Variants in GMPS observed in about 807,000 individuals in gnomAD.
GMPS encodes the protein guanosine monophosphate synthase.
In GMPS, 15 loss-of-function variants were observed where a neutral mutation model predicts 77.9. The observed-to-expected ratio is 0.19, with a 90% CI of 0.13 to 0.30. GMPS has a LOEUF of 0.30. Ranked by LOEUF, GMPS falls within the 10% of genes least tolerant of loss-of-function variation. The pLI is 1.00. For missense variants in GMPS, 590 were observed against 838.8 expected, an observed-to-expected ratio of 0.70 and a Z score of 3.66; for synonymous variants, 224 against 275.9, an observed-to-expected ratio of 0.81 and a Z score of 1.86.
chr3:155,937,300 A>T (rs975655612), intron 15 of GMPS, among the ~76,000 whole-genome samples: 1 of 152,214 alleles, frequency 6.6e-6, no homozygotes, highest in Non-Finnish European at 1.5e-5. Context: ...ATATGTTCTT[A>T]AGCACTTGTG....
At chr3:155,889,981 T>C (rs1033117830) in intron 1 of GMPS, among the ~76,000 whole-genome samples, 1 of 152,192 alleles carries the variant, frequency 6.6e-6, no homozygotes, top group Non-Finnish European at 1.5e-5. Flanking sequence ...TTTTTTCTCA[T>C]TAGGATGGTT....
chr3:155,892,506 T>G (rs1754495555), intron 1 of GMPS, among the ~76,000 whole-genome samples: 1 of 152,230 alleles, frequency 6.6e-6, no homozygotes, highest in Admixed American at 6.5e-5. Context: ...TTGCATTATT[T>G]TGAAGCATCT....
intron 8 of GMPS, 75 bp downstream of exon 8, chr3:155,914,645 A>AT (rs1755127569): frequency 3.2e-6 from 3 of 934,760 alleles, no homozygotes; most frequent in Non-Finnish European, 4.6e-6. Flanking sequence ...CCTTGTCACT[A>AT]TATCAAATAA....
At chr3:155,878,723 G>C (rs372485616) in intron 1 of GMPS, among the ~76,000 whole-genome samples, 4 of 152,182 alleles carry the variant, frequency 2.6e-5, no homozygotes, top group African/African-American at 9.7e-5. Flanking sequence ...AAATTTGTTA[G>C]GGGAATTGGC....
At position 155,870,821 on chromosome 3, in the gene GMPS, C is replaced by G; in HGVS notation, c.-50C>G. On this transcript the variant is annotated 5_prime_UTR_variant, in exon 1 of 16. Transcript: ENST00000496455. The stretch of plus-strand genomic sequence containing the variant: ...CGCCGACCCTTCCGGCACCCTCCCG[C>G]CCCGTCTCGTACTGTCGCCGTCACC... The G allele has an allele frequency of 7.7e-7, 1 of 1,293,906 alleles. No individual in the cohort carries two copies. 80.2% of individuals were successfully genotyped at this position (1,293,906 alleles called of 1,614,324 possible). A position where few individuals can be genotyped will look rare whatever the true frequency, so the allele number is the denominator to read the frequency against.
At chr3:155,921,030 T>A (rs376270340) in intron 10 of GMPS, among the ~76,000 whole-genome samples, 192 of 152,190 alleles carry the variant, frequency 1.3e-3, no homozygotes, top group African/African-American at 4.4e-3. Context: ...TCACTTGAGG[T>A]CAGGAGTTCC....
chr3:155,881,070 A>G (rs1338267607), intron 1 of GMPS, among the ~76,000 whole-genome samples: 1 of 151,058 alleles, frequency 6.6e-6, no homozygotes, highest in South Asian at 2.1e-4. Context: ...AAAATATGTT[A>G]TTAATATTTA....
At chr3:155,928,388 C>T (rs934394818) in intron 12 of GMPS, among the ~76,000 whole-genome samples, 15 of 152,074 alleles carry the variant, frequency 9.9e-5, no homozygotes, top group Non-Finnish European at 1.6e-4. Flanking sequence ...TTTTCACATT[C>T]TTAGTACCTG....
intron 2 of GMPS, 83 bp from the exon 3 acceptor site, chr3:155,897,844 C>T: frequency 1.4e-6 from 1 of 720,030 alleles, no homozygotes; most frequent in Admixed American, 2.1e-5. Flanking sequence ...GTGTTGTTTC[C>T]CTCAGTGGTA....
In GMPS at chr3:155,910,861, G is replaced by C. The variant is rs775328373; in HGVS notation, c.696G>C (p.Glu232Asp). ...RELECIREIK[E>D]RVGTSKVLVL... ...TTGAGTGTATTCGAGAGATCAAAGA[G>C]AGAGTAGGCACGTCAAAAGTTTTGG... The change falls in exon 6 of 16, where the codon GAG becomes GAC. Residue 232 changes from glutamate to aspartate, a missense_variant. Transcript: ENST00000496455. The C allele has an allele frequency of 1.9e-6, 3 of 1,592,602 alleles. No homozygotes were observed. The highest frequency in any genetic ancestry group is 1.2e-5 in the South Asian group (1 of 86,618).
chr3:155,897,891 A>G (rs1754639458), intron 2 of GMPS, 36 bp from the exon 3 acceptor site: 2 of 1,018,648 alleles, frequency 2.0e-6, no homozygotes, highest in Non-Finnish European at 3.1e-6. Context: ...ATAAAAATTA[A>G]CAGAGATTCT....
At chr3:155,920,827 G>A (rs1755301673) in intron 10 of GMPS, among the ~76,000 whole-genome samples, 1 of 152,186 alleles carries the variant, frequency 6.6e-6, no homozygotes, top group Admixed American at 6.5e-5. Flanking sequence ...ATTGGACATA[G>A]CTGAGGTTTT....
At chr3:155,892,470 C>T (rs1048874718) in intron 1 of GMPS, among the ~76,000 whole-genome samples, 3 of 152,134 alleles carry the variant, frequency 2.0e-5, no homozygotes, top group Non-Finnish European at 4.4e-5. Context: ...CACGGGCAGT[C>T]TTGTTTCATC....
At chr3:155,899,496 T>C (rs1388194305) in intron 3 of GMPS, among the ~76,000 whole-genome samples, 1 of 151,664 alleles carries the variant, frequency 6.6e-6, no homozygotes, top group Non-Finnish European at 1.5e-5. Flanking sequence ...ATTAAGAAGG[T>C]ATAGAAATAT....
Position 155,938,973 on chromosome 3 carries a change from TA to T in GMPS, c.*1285del. The T allele has an allele frequency of 4.6e-6, 1 of 218,886 alleles. No individual in the cohort carries two copies. The highest frequency in any genetic ancestry group is 9.2e-6 in the Non-Finnish European group (1 of 109,168). The allele number at this position is 218,886 out of a possible 1,614,324, so 13.6% of individuals were successfully genotyped here. On this transcript the variant is annotated 3_prime_UTR_variant, in exon 16 of 16. Coordinates refer to ENST00000496455, the MANE Select transcript of GMPS (RefSeq NM_003875.3). ...TCAGGTTGCTGCTGCTTGTCTAGTTTAAAAGGTCAGATCTATTAATCAGGAA... is the reference window on the plus strand; with the variant it reads ...TCAGGTTGCTGCTGCTTGTCTAGTTTAAAGGTCAGATCTATTAATCAGGAA...
chr3:155,921,277 A>AT (rs1169792063), intron 10 of GMPS, among the ~76,000 whole-genome samples: 2 of 152,144 alleles, frequency 1.3e-5, no homozygotes, highest in Non-Finnish European at 2.9e-5. Flanking sequence ...ACCAGTTCAC[A>AT]TTTTTTGGTA....
chr3:155,886,147 G>A (rs2108062116), intron 1 of GMPS, among the ~76,000 whole-genome samples: 1 of 152,002 alleles, frequency 6.6e-6, no homozygotes, highest in East Asian at 1.9e-4. Flanking sequence ...ATGTTTTGCT[G>A]ACTAAAATAT....
chr3:155,895,421 C>T (rs1291807879), intron 2 of GMPS: 1 of 152,178 alleles, frequency 6.6e-6, no homozygotes, highest in African/African-American at 2.4e-5. Flanking sequence ...GCAGATTCTC[C>T]TGCCTCAGCC....
chr3:155,914,019 T>G (rs970223517), intron 7 of GMPS, among the ~76,000 whole-genome samples: 7 of 152,052 alleles, frequency 4.6e-5, no homozygotes, highest in African/African-American at 1.7e-4. Context: ...CAATCTCTGC[T>G]CACTGCAAGC....
Sources: allele counts gnomAD v4.1 joint callset (sites outside exome capture counted in the v4.1 genomes callset), GRCh38; gene constraint gnomAD v4.1.1; transcripts MANE v1.5; gene names NCBI Gene and HGNC (gene_info 2026-07-23, HGNC 2026-07-21).